Variants in OLFM2 observed in about 807,000 individuals in gnomAD.
OLFM2 encodes the protein olfactomedin 2.
Under a neutral mutation model 43.9 loss-of-function variants are expected in OLFM2, and 20 were observed. The ratio of observed to expected loss-of-function variants is 0.46; its 90% CI spans 0.32 to 0.66. The LOEUF (loss-of-function observed/expected upper bound fraction) is 0.66, where lower values mean the gene tolerates loss of function less well. Ranked by LOEUF, OLFM2 falls within the 30% of genes least tolerant of loss-of-function variation. The pLI, the probability that OLFM2 is intolerant of heterozygous loss-of-function variation, is 0.04. For synonymous variants in OLFM2, 268 were observed against 278.6 expected (o/e 0.96, Z 0.38); for missense variants, 416 against 643.6 (o/e 0.65, Z 3.83).
chr19:9,865,485 C>CTTTTTTTTTTTT (rs71188847), intron 1 of OLFM2, among the ~76,000 whole-genome samples: 14 of 73,636 alleles, frequency 1.9e-4, no homozygotes, highest in Non-Finnish European at 2.6e-4. Context: ...TCTGTTTTTT[C>CTTTTTTTTTTTT]TTTTTTTTTT....
At chr19:9,919,949 C>T (rs371942976) in intron 1 of OLFM2, among the ~76,000 whole-genome samples, 1 of 151,316 alleles carries the variant, frequency 6.6e-6, no homozygotes, top group African/African-American at 2.4e-5. Flanking sequence ...GGCAAGCCAC[C>T]ATGCTCAGCT....
chr19:9,924,611 T>C (rs916668166), intron 1 of OLFM2, among the ~76,000 whole-genome samples: 16 of 152,092 alleles, frequency 1.1e-4, no homozygotes, highest in African/African-American at 3.4e-4. Context: ...GGAGACACTC[T>C]GCTTTCTTCC....
At chr19:9,892,311 C>T (rs1240386379) in intron 1 of OLFM2, among the ~76,000 whole-genome samples, 1 of 152,198 alleles carries the variant, frequency 6.6e-6, no homozygotes, top group Non-Finnish European at 1.5e-5. Flanking sequence ...AGAGTACATA[C>T]AGCCAACACC....
chr19:9,869,658 C>A (rs1004311105), intron 1 of OLFM2, among the ~76,000 whole-genome samples: 1 of 152,186 alleles, frequency 6.6e-6, no homozygotes, highest in Admixed American at 6.6e-5. Flanking sequence ...ACTCTATCGT[C>A]CAGGCTGGAG....
chr19:9,924,722 T>C (rs2086442127), intron 1 of OLFM2, among the ~76,000 whole-genome samples: 1 of 152,146 alleles, frequency 6.6e-6, no homozygotes, highest in African/African-American at 2.4e-5. Flanking sequence ...CTATCTTCAG[T>C]GGCCCCCACG....
intron 1 of OLFM2, among the ~76,000 whole-genome samples, chr19:9,920,907 G>GA (rs539333679): frequency 0.054 from 7,664 of 141,522 alleles, 543 homozygotes; most frequent in African/African-American, 0.17. Context: ...ACTCCATCTT[G>GA]AAAAAAAAAA....
chr19:9,924,576 A>AC (rs1173607957), intron 1 of OLFM2, among the ~76,000 whole-genome samples: 1 of 152,070 alleles, frequency 6.6e-6, no homozygotes, highest in Non-Finnish European at 1.5e-5. Context: ...ATACTCAGTC[A>AC]CCCAACCCTG....
chr19:9,919,973 T>C (rs1277142404), intron 1 of OLFM2, among the ~76,000 whole-genome samples: 3 of 150,828 alleles, frequency 2.0e-5, no homozygotes, highest in African/African-American at 7.3e-5. Context: ...TTTTGTATTT[T>C]TTTTTTTTTT....
At chr19:9,916,852 C>G (rs1165943131) in intron 1 of OLFM2, among the ~76,000 whole-genome samples, 1 of 152,186 alleles carries the variant, frequency 6.6e-6, no homozygotes, top group Admixed American at 6.5e-5. Flanking sequence ...CTCATTAGAT[C>G]ATTCTCACAG....
chr19:9,884,201 T>C (rs747247017), intron 1 of OLFM2, among the ~76,000 whole-genome samples: 1 of 144,470 alleles, frequency 6.9e-6, no homozygotes, highest in Non-Finnish European at 1.5e-5. Flanking sequence ...CCCAGGGAGG[T>C]TGAGGCTGCA....
At chr19:9,895,014 T>C (rs1448109843) in intron 1 of OLFM2, among the ~76,000 whole-genome samples, 1 of 152,036 alleles carries the variant, frequency 6.6e-6, no homozygotes, top group Non-Finnish European at 1.5e-5. Context: ...CAACATTCCT[T>C]ATGTCACCAT....
chr19:9,914,750 C>T (rs1225838874), intron 1 of OLFM2, among the ~76,000 whole-genome samples: 1 of 152,058 alleles, frequency 6.6e-6, no homozygotes, highest in African/African-American at 2.4e-5. Flanking sequence ...CAGCCGGCGG[C>T]GGCAGCCGCT....
intron 1 of OLFM2, among the ~76,000 whole-genome samples, chr19:9,914,673 C>T (rs2046860847): frequency 6.6e-6 from 1 of 152,066 alleles, no homozygotes; most frequent in South Asian, 2.1e-4. Context: ...GGACCCCGCT[C>T]CCGGCCCGCT....
At chr19:9,865,267 T>C (rs1337852113) in intron 1 of OLFM2, among the ~76,000 whole-genome samples, 1 of 150,494 alleles carries the variant, frequency 6.6e-6, no homozygotes, top group Non-Finnish European at 1.5e-5. Flanking sequence ...TGGGCTTAAA[T>C]AGTGATTCCT....
At chr19:9,921,897 C>T (rs1371330249) in intron 1 of OLFM2, among the ~76,000 whole-genome samples, 1 of 152,012 alleles carries the variant, frequency 6.6e-6, no homozygotes, top group Non-Finnish European at 1.5e-5. Context: ...AATTTGAGAC[C>T]AGCCTGGGCA....
In OLFM2 at chr19:9,854,836, C is replaced by T. The variant is rs746570075; in HGVS notation, c.715G>A (p.Gly239Ser). 2.5e-6 allele frequency: 4 copies of T among 1,598,774 alleles called. No homozygotes were observed. In the South Asian group the frequency reaches 4.5e-5, roughly 18 times the overall value. The change falls in exon 6 of 6, where the codon GGC becomes AGC. Residue 239 changes from glycine (G) to serine (S), a missense_variant. Transcript: ENST00000264833. This position sits in a 1 kb window ranked among gnomAD's most constrained non-coding sequence, Gnocchi z 9.5. ...RVWYMDGYYK[G>S]RRVLEFRTLG... ...GTACGGAACTCCAGGACCCGGCGGCCTTTGTAATAGCCATCCATGTACCAG... is the reference window on the plus strand; with the variant it reads ...GTACGGAACTCCAGGACCCGGCGGCTTTTGTAATAGCCATCCATGTACCAG...
At chr19:9,897,265 T>G (rs1427363748) in intron 1 of OLFM2, among the ~76,000 whole-genome samples, 7 of 148,946 alleles carry the variant, frequency 4.7e-5, no homozygotes, top group Non-Finnish European at 1.0e-4. Context: ...GAGGTGGAGG[T>G]TGCAGTGAGC....
chr19:9,877,326 G>A (rs1244772550), intron 1 of OLFM2, among the ~76,000 whole-genome samples: 1 of 151,712 alleles, frequency 6.6e-6, no homozygotes, highest in Non-Finnish European at 1.5e-5. Flanking sequence ...CTGAGGTCAG[G>A]AGTTCAAGAC....
chr19:9,896,135 T>C (rs1379503717), intron 1 of OLFM2, among the ~76,000 whole-genome samples: 3 of 137,796 alleles, frequency 2.2e-5, no homozygotes, highest in South Asian at 2.3e-4. Context: ...CTTGCTCTGT[T>C]GCCCAGGCTG....
Sources: allele counts gnomAD v4.1 joint callset (sites outside exome capture counted in the v4.1 genomes callset), GRCh38; gene constraint gnomAD v4.1.1; non-coding constraint Gnocchi (gnomAD v3.1); transcripts MANE v1.5; gene names NCBI Gene and HGNC (gene_info 2026-07-23, HGNC 2026-07-21).